The following NLGN3 variants were observed in gnomAD, a reference collection of about 807,000 sequenced individuals.
NLGN3 encodes neuroligin 3.
Under a neutral mutation model 42.9 loss-of-function variants are expected in NLGN3, and 11 were observed. The ratio of observed to expected loss-of-function variants is 0.26; its 90% CI spans 0.16 to 0.42. The LOEUF is 0.42. NLGN3 is among the 10% of genes least tolerant of loss of function. The pLI is 1.00. For missense variants in NLGN3, 374 were observed against 733.8 expected, an observed-to-expected ratio of 0.51 and a Z score of 5.67; for synonymous variants, 279 against 312.7, an observed-to-expected ratio of 0.89 and a Z score of 1.14.
chrX:71,169,566 A>G lies in NLGN3; in HGVS notation c.2016A>G (p.Pro672=). ...PNGKTWSTKR[P]AISPAYSNEN... is the part of the protein sequence containing the mutation. ...GCAAGACCTGGAGCACCAAGCGGCC[A>G]GCCATCTCACCTGCCTACAGCAACG... The change falls in exon 8 of 8, where the codon CCA becomes CCG. Residue 672 remains proline, a synonymous_variant. Coordinates refer to ENST00000358741, the MANE Select transcript of NLGN3 (RefSeq NM_181303.2). 6 of 1,211,917 alleles carry G rather than the reference A, an allele frequency of 5.0e-6. No homozygotes were observed. The highest frequency in any genetic ancestry group is 6.7e-6 in the Non-Finnish European group (6 of 895,322).
chrX:71,150,562 C>T (rs1447607765), intron 3 of NLGN3, among the ~76,000 whole-genome samples: 1 of 109,677 alleles, frequency 9.1e-6, no homozygotes, highest in Non-Finnish European at 1.9e-5. Flanking sequence ...ATTAGCTGGG[C>T]GTGGTGGCGG....
chrX:71,169,228 C>T (rs1447029864), intron 7 of NLGN3, 26 bp from the exon 8 acceptor site: 4 of 1,206,263 alleles, frequency 3.3e-6, no homozygotes, highest in Non-Finnish European at 4.5e-6. Context: ...AGAGTGGTGA[C>T]CCCAGATTTC....
intron 3 of NLGN3, among the ~76,000 whole-genome samples, chrX:71,150,718 A>AAAG (rs2092388222): frequency 1.9e-5 from 2 of 102,928 alleles, no homozygotes; most frequent in African/African-American, 3.6e-5. Flanking sequence ...AAAAAAAAAA[A>AAAG]AAAAGAAAGA....
intron 7 of NLGN3, among the ~76,000 whole-genome samples, chrX:71,168,747 GAGAA>G (rs369684053): frequency 0.014 from 1,114 of 80,118 alleles, 32 homozygotes; most frequent in African/African-American, 0.047. Flanking sequence ...AAAAAAAAGA[GAGAA>G]AGAAAGAGAG....
chrX:71,173,147 G>A (rs959461063), downstream of NLGN3, among the ~76,000 whole-genome samples: 1 of 110,436 alleles, frequency 9.1e-6, no homozygotes, highest in African/African-American at 3.3e-5. Flanking sequence ...GAGATATTAC[G>A]TGGCCTCCTA....
intron 5 of NLGN3, among the ~76,000 whole-genome samples, chrX:71,156,725 C>G (rs1026878756): frequency 2.7e-5 from 3 of 110,614 alleles, no homozygotes; most frequent in African/African-American, 9.9e-5. Flanking sequence ...TATATGCACA[C>G]GTACACACTC....
chrX:71,159,009 CAT>C (rs1043754876), intron 5 of NLGN3, among the ~76,000 whole-genome samples: 4 of 110,954 alleles, frequency 3.6e-5, no homozygotes, highest in African/African-American at 9.9e-5. Flanking sequence ...TGTGCACACA[CAT>C]GCATGTGCGC....
intron 3 of NLGN3, among the ~76,000 whole-genome samples, chrX:71,150,386 A>G (rs1328522346): frequency 9.0e-6 from 1 of 111,370 alleles, no homozygotes; most frequent in Non-Finnish European, 1.9e-5. Flanking sequence ...CTGTAAATGA[A>G]TTCAGGAGGA....
chrX:71,151,278 C>T lies in NLGN3; in HGVS notation c.518-2199C>T, dbSNP rs773104087. ...GAGCCGAGGTGGTGCCATCGCACTC[C>T]AGCCTGGGCAACAAGGCTGAAACTC... On this transcript the variant is annotated intron_variant, in intron 3 of 7. Transcript: ENST00000358741. 1.5e-4 allele frequency among the ~76,000 whole-genome samples: 17 copies of T among 109,721 alleles called. No homozygotes were observed. In the South Asian group the frequency reaches 6.8e-3, roughly 44 times the overall value.
chrX:71,168,343 AACAC>A (rs368070199), intron 7 of NLGN3, among the ~76,000 whole-genome samples: 6 of 108,810 alleles, frequency 5.5e-5, no homozygotes, highest in Admixed American at 9.8e-5. Context: ...CCTTATCTTA[AACAC>A]ACACACACAC....
At chrX:71,168,995 G>A (rs1031902941) in intron 7 of NLGN3, among the ~76,000 whole-genome samples, 7 of 110,388 alleles carry the variant, frequency 6.3e-5, no homozygotes, top group Admixed American at 1.9e-4. Flanking sequence ...CAGCTGAAAA[G>A]ATTGATAAAT....
rs759456119 is a variant in NLGN3 at position 71,169,950 on chromosome X, G to A, written c.2400G>A (p.Pro800=). The A allele has an allele frequency of 1.2e-5, 14 of 1,203,619 alleles. No individual in the cohort carries two copies. Among genetic ancestry groups the A allele is most frequent in the East Asian group, 6.0e-5 (2 of 33,395 alleles). The change falls in exon 8 of 8, where the codon CCG becomes CCA. Residue 800 remains proline, a synonymous_variant. Transcript: ENST00000358741. Reference sequence around the variant, plus strand: ...ACACCCTGACCCTGCGGCGCTCCCCGGATGACATCCCACTCATGACCCCCA... The same window carrying A: ...ACACCCTGACCCTGCGGCGCTCCCCAGATGACATCCCACTCATGACCCCCA... ...PDYTLTLRRS[P]DDIPLMTPNT... is the part of the protein sequence containing the mutation.
chrX:71,160,913 C>T (rs1202583346), intron 5 of NLGN3, among the ~76,000 whole-genome samples: 1 of 111,689 alleles, frequency 9.0e-6, no homozygotes, highest in Non-Finnish European at 1.9e-5. Context: ...AGACTGGCTC[C>T]GATTTATTCT....
chrX:71,155,425 G>A, intron 5 of NLGN3, 62 bp downstream of exon 5: 2 of 1,163,057 alleles, frequency 1.7e-6, no homozygotes, highest in South Asian at 1.8e-5. Flanking sequence ...AGGAAAGAAT[G>A]CTGGAGAATT....
chrX:71,145,092 C>T (rs1336618080), intron 1 of NLGN3, 128 bp downstream of exon 1: 2 of 104,678 alleles, frequency 1.9e-5, no homozygotes, highest in East Asian at 3.1e-4. Context: ...CCCATGTTCT[C>T]CATCGGTACC....
In NLGN3 at chrX:71,148,151, C is replaced by T. The variant is rs748341980; in HGVS notation, c.402C>T (p.Ile134=). The change falls in exon 2 of 8, where the codon ATC becomes ATT. Residue 134 remains isoleucine, a synonymous_variant. Transcript: ENST00000358741. The part of the protein sequence containing the change: ...TANLDIVATY[I]QEPNEDCLYL... ...ACTTGGATATCGTCGCTACTTACAT[C>T]CAGGAGCCCAACGAAGACTGTCTCT... is the stretch of plus-strand genomic sequence containing the variant. The T allele has an allele frequency of 5.0e-6, 6 of 1,211,212 alleles. No homozygotes were observed. In the East Asian group the frequency reaches 1.5e-4, roughly 30 times the overall value.
intron 5 of NLGN3, among the ~76,000 whole-genome samples, chrX:71,162,263 C>T (rs767042108): frequency 9.0e-6 from 1 of 110,873 alleles, no homozygotes; most frequent in East Asian, 2.8e-4. Flanking sequence ...GCTGGGACCA[C>T]AGGCATGCAC....
Position 71,148,006 on chromosome X carries a change from C to T in NLGN3, c.257C>T (p.Pro86Leu). ...APPIGEKRFL[P>L]PEPPPSWSGI... is the part of the protein sequence containing the mutation. ...CCGATCGGCGAGAAACGTTTCCTGCCCCCTGAACCACCCCCATCCTGGTCG... is the reference window on the plus strand; with the variant it reads ...CCGATCGGCGAGAAACGTTTCCTGCTCCCTGAACCACCCCCATCCTGGTCG... Residue 86 changes from proline (P) to leucine (L), a missense_variant, in exon 2 of 8, where the codon CCC becomes CTC. Pro to Leu is a moderately conservative substitution (Grantham distance 98). Transcript: ENST00000358741. The T allele has an allele frequency of 8.3e-7, 1 of 1,208,367 alleles. No homozygotes were observed. The highest frequency in any genetic ancestry group is 1.1e-6 in the Non-Finnish European group (1 of 892,670).
chrX:71,175,043 A>G (rs2092475828), downstream of NLGN3, among the ~76,000 whole-genome samples: 1 of 112,041 alleles, frequency 8.9e-6, no homozygotes, highest in African/African-American at 3.2e-5. Context: ...CCCAGTGTTC[A>G]GTTATGAGCA....
Sources: allele counts gnomAD v4.1 joint callset (sites outside exome capture counted in the v4.1 genomes callset), GRCh38; gene constraint gnomAD v4.1.1; transcripts MANE v1.5; gene names NCBI Gene and HGNC (gene_info 2026-07-23, HGNC 2026-07-21).